CALML4: variants seen among roughly 807,000 people sequenced by gnomAD.
CALML4 encodes the protein calmodulin-like protein 4.
Under a neutral mutation model 17.9 loss-of-function variants are expected in CALML4, and 16 were observed. The observed-to-expected ratio is 0.89, with a 90% CI of 0.61 to 1.36. The LOEUF (loss-of-function observed/expected upper bound fraction) is 1.36, where lower values mean the gene tolerates loss of function less well. Ranked by LOEUF, CALML4 falls within the 40% of genes most tolerant of loss-of-function variation. CALML4 has a pLI of 0.00. For synonymous variants in CALML4, 86 were observed against 71.5 expected, an observed-to-expected ratio of 1.20 and a Z score of -1.02; for missense variants, 203 against 194.8, an observed-to-expected ratio of 1.04 and a Z score of -0.25.
chr15:68,205,001 G>T lies in CALML4; in HGVS notation c.34+120C>A. On this transcript the variant is annotated intron_variant, in intron 2 of 4. Transcript: ENST00000467889. The surrounding 1 kb of genome is among the most constrained non-coding windows in gnomAD (Gnocchi z 4.8). ...CAGCCTCCCCGCAGCTCTTGGCCCTGGGTGGGCCCAGCTCTCCCACAGCCA... is the reference window on the plus strand; with the variant it reads ...CAGCCTCCCCGCAGCTCTTGGCCCTTGGTGGGCCCAGCTCTCCCACAGCCA... 8.3e-7 allele frequency: 1 copy of T among 1,206,524 alleles called. No homozygotes were observed. The highest frequency in any genetic ancestry group is 1.2e-6 in the Non-Finnish European group (1 of 834,364). 74.7% of individuals were successfully genotyped at this position (1,206,524 alleles called of 1,614,324 possible).
At chr15:68,196,378 C>T (rs957655151) in intron 4 of CALML4, among the ~76,000 whole-genome samples, 5 of 152,188 alleles carry the variant, frequency 3.3e-5, no homozygotes, top group East Asian at 1.9e-4. Flanking sequence ...GCAAGGAAAG[C>T]GAGGTGGGAG....
At chr15:68,199,443 C>T (rs1484187366) in intron 3 of CALML4, 98 bp downstream of exon 3, 11 of 1,354,986 alleles carry the variant, frequency 8.1e-6, no homozygotes, top group Non-Finnish European at 1.1e-5. Flanking sequence ...GGCCTCCCTG[C>T]CACCTGCCCC....
At position 68,192,381 on chromosome 15, in the gene CALML4, T is replaced by A. The variant is rs2093124345; in HGVS notation, c.*1634A>T. The A allele has an allele frequency of 3.9e-5, 6 of 152,268 alleles. No individual in the cohort carries two copies. Among genetic ancestry groups the A allele is most frequent in the Admixed American group, 3.9e-4 (6 of 15,288 alleles). The allele number at this position is 152,268 out of a possible 1,614,324, so 9.4% of individuals were successfully genotyped here. A position where few individuals can be genotyped will look rare whatever the true frequency, so the allele number is the denominator to read the frequency against. ...CCCAGAAATTCTGCATTTCTGTTTT[T>A]GTATTCTTAAGGCAGCCAAATCTCG... On this transcript the variant is annotated 3_prime_UTR_variant, in exon 5 of 5. Transcript: ENST00000467889.
chr15:68,202,298 T>A (rs1021688762), intron 2 of CALML4, among the ~76,000 whole-genome samples: 1 of 152,226 alleles, frequency 6.6e-6, no homozygotes, highest in Admixed American at 6.5e-5. Flanking sequence ...AAATGTACAC[T>A]ATTCTTTATT....
At position 68,205,222 on chromosome 15, in the gene CALML4, C is replaced by A; in HGVS notation, c.3+23G>T. On this transcript the variant is annotated intron_variant, in intron 1 of 4. Transcript: ENST00000467889. This position sits in a 1 kb window ranked among gnomAD's most constrained non-coding sequence, Gnocchi z 4.8. ...GTTCACGCCCCCAGCCCTGGCCAGG[C>A]CGACACAGACCCTCACACTCACCAT... 6.2e-7 allele frequency: 1 copy of A among 1,614,078 alleles called. No individual in the cohort carries two copies. The highest frequency in any genetic ancestry group is 1.1e-5 in the South Asian group (1 of 91,078).
At chr15:68,196,617 G>A (rs2093145666) in intron 4 of CALML4, among the ~76,000 whole-genome samples, 2 of 152,150 alleles carry the variant, frequency 1.3e-5, no homozygotes, top group Non-Finnish European at 2.9e-5. Context: ...GGCAGAGCTG[G>A]CTGGCTGGCT....
At chr15:68,203,361 G>A (rs965785175) in intron 2 of CALML4, among the ~76,000 whole-genome samples, 3 of 152,194 alleles carry the variant, frequency 2.0e-5, no homozygotes, top group African/African-American at 7.2e-5. Flanking sequence ...ATGAATGAAT[G>A]GTCATTAAAC....
chr15:68,195,740 C>T (rs766642538), intron 4 of CALML4, among the ~76,000 whole-genome samples: 2 of 152,192 alleles, frequency 1.3e-5, no homozygotes, highest in South Asian at 2.1e-4. Context: ...TCCCATCTCC[C>T]GTGGCAAGTG....
At chr15:68,199,875 A>AG (rs541604775) in intron 2 of CALML4, 194 bp from the exon 3 acceptor site, 260 of 498,314 alleles carry the variant, frequency 5.2e-4, no homozygotes, top group African/African-American at 4.5e-3. Flanking sequence ...ATTCAGATAA[A>AG]CACTGAATAT....
rs1045611867 is a variant in CALML4, at chr15:68,190,789, C to T, written c.*3226G>A. On this transcript the variant is annotated 3_prime_UTR_variant, in exon 5 of 5. Coordinates refer to ENST00000467889, the MANE Select transcript of CALML4 (RefSeq NM_033429.3). The surrounding 1 kb of genome is among the most constrained non-coding windows in gnomAD (Gnocchi z 4.7). ...AAAAAAATCTGAACCAGAACCATGC[C>T]ATACTTGGTTGACTATTTTGAGCAT... 2.6e-5 allele frequency: 4 copies of T among 151,846 alleles called. No individual in the cohort carries two copies. Among genetic ancestry groups the T allele is most frequent in the Non-Finnish European group, 5.9e-5 (4 of 67,992 alleles). The allele number at this position is 151,846 out of a possible 1,614,324, so 9.4% of individuals were successfully genotyped here.
intron 2 of CALML4, among the ~76,000 whole-genome samples, chr15:68,201,102 G>C (rs2093164185): frequency 6.6e-6 from 1 of 152,178 alleles, no homozygotes; most frequent in Non-Finnish European, 1.5e-5. Context: ...GGATTTCAGG[G>C]GGGTCACTAA....
chr15:68,191,550 C>T lies in CALML4; in HGVS notation c.*2465G>A, dbSNP rs751095353. The T allele has an allele frequency of 6.6e-6, 1 of 152,658 alleles. No homozygotes were observed. Among genetic ancestry groups the T allele is most frequent in the African/African-American group, 2.4e-5 (1 of 41,454 alleles). The allele number at this position is 152,658 out of a possible 1,614,324, so 9.5% of individuals were successfully genotyped here. On this transcript the variant is annotated 3_prime_UTR_variant, in exon 5 of 5. Coordinates refer to ENST00000467889, the MANE Select transcript of CALML4 (RefSeq NM_033429.3). ...GATAATGGTTTGTGCTTCCAAAGCA[C>T]CTTTCATCCAGAGATTTCAAAGCAT...
chr15:68,193,956 AAAAAAAATTAATT>A lies in CALML4; in HGVS notation c.*46_*58del. The A allele has an allele frequency of 2.3e-6, 3 of 1,279,928 alleles. 1 individual carries two copies. In the Middle Eastern group the frequency reaches 5.6e-4, roughly 238 times the overall value. 79.3% of individuals were successfully genotyped at this position (1,279,928 alleles called of 1,614,324 possible). A position where few individuals can be genotyped will look rare whatever the true frequency, so the allele number is the denominator to read the frequency against. ...CTCCCAAGTGAAAAGAACACTTTTTAAAAAAAATTAATTGCTCCAAGTTTTCAGGCCCAGGGGA... is the reference window on the plus strand; with the variant it reads ...CTCCCAAGTGAAAAGAACACTTTTTAGCTCCAAGTTTTCAGGCCCAGGGGA... On this transcript the variant is annotated 3_prime_UTR_variant, in exon 5 of 5. Coordinates refer to ENST00000467889, the MANE Select transcript of CALML4 (RefSeq NM_033429.3).
Position 68,199,544 on chromosome 15 carries a change from TC to T in CALML4, c.171del (p.Ile58Ter). ...GEVQRHLQTH[G>X]IDGNGELDFS... ...CGTTGTTCCCACCACCACTCACCTA[TC>T]CCGTGGGTCTGCAGGTGCCGCTGCA... On this transcript the variant is annotated frameshift_variant, in exon 3 of 5. Transcript: ENST00000467889. LOFTEE classifies it high-confidence loss of function. The T allele has an allele frequency of 6.2e-7, 1 of 1,612,602 alleles. No homozygotes were observed. The highest frequency in any genetic ancestry group is 8.5e-7 in the Non-Finnish European group (1 of 1,179,536).
rs182455815 is a variant in CALML4 at position 68,196,430 on chromosome 15, G to C, written c.364+1010C>G. ...CCAGGATTCAAACCACAGCCTCAAA[G>C]CTCTCCTCCAGTGGTTTATTGTGAT... On this transcript the variant is annotated intron_variant, in intron 4 of 4. Coordinates refer to ENST00000467889, the MANE Select transcript of CALML4 (RefSeq NM_033429.3). Among the ~76,000 whole-genome samples the C allele has an allele frequency of 2.8e-4, 43 of 152,298 alleles. 1 individual carries two copies. The East Asian group carries it at 3.7e-3, about 13-fold the overall frequency.
intron 4 of CALML4, among the ~76,000 whole-genome samples, chr15:68,196,623 T>C (rs2093145705): frequency 6.6e-6 from 1 of 152,018 alleles, no homozygotes. Context: ...GCTGGCTGGC[T>C]GGCTGCTGCG....
In CALML4 at chr15:68,204,822, C is replaced by T. The variant is rs889990823; in HGVS notation, c.34+299G>A. Among the ~76,000 whole-genome samples the T allele has an allele frequency of 6.6e-6, 1 of 152,134 alleles. No individual in the cohort carries two copies. The highest frequency in any genetic ancestry group is 1.5e-5 in the Non-Finnish European group (1 of 68,024). ...ACCTTTAATGGTCTCTCTCTCCATC[C>T]CCAGTCCCCTCAGTCCCCAAATCCA... On this transcript the variant is annotated intron_variant, in intron 2 of 4. Transcript: ENST00000467889. This position sits in a 1 kb window ranked among gnomAD's most constrained non-coding sequence, Gnocchi z 6.0.
rs1159984954 is a variant in CALML4, at chr15:68,205,273, G to C, written c.-26C>G. 6.2e-7 allele frequency: 1 copy of C among 1,613,952 alleles called. No homozygotes were observed. The highest frequency in any genetic ancestry group is 8.5e-7 in the Non-Finnish European group (1 of 1,180,024). ...TCTGGGGCCTCGGCTGCTACCCGTG[G>C]GCTTGCTGCTCCCAGAACCGCGTTC... On this transcript the variant is annotated 5_prime_UTR_variant, in exon 1 of 5. Coordinates refer to ENST00000467889, the MANE Select transcript of CALML4 (RefSeq NM_033429.3). The surrounding 1 kb of genome is among the most constrained non-coding windows in gnomAD (Gnocchi z 4.8).
At chr15:68,196,031 A>C (rs1173354454) in intron 4 of CALML4, among the ~76,000 whole-genome samples, 1 of 152,140 alleles carries the variant, frequency 6.6e-6, no homozygotes, top group Non-Finnish European at 1.5e-5. Context: ...CTGGGTATGG[A>C]GACCCAGCCT....
Sources: gnomAD v4.1 joint callset for allele counts (sites outside exome capture counted in the v4.1 genomes callset) on GRCh38, gnomAD v4.1.1 for gene constraint, Gnocchi (gnomAD v3.1) non-coding constraint, MANE v1.5 for transcripts, NCBI Gene and HGNC (gene_info 2026-07-23, HGNC 2026-07-21) for gene names.